C8orf74: variants seen among roughly 807,000 people sequenced by gnomAD.
C8orf74 encodes chromosome 8 open reading frame 74.
In C8orf74, 29 loss-of-function variants were observed where a neutral mutation model predicts 22.2. The observed-to-expected ratio is 1.31, with a 90% confidence interval of 0.97 to 1.78. The LOEUF is 1.78. C8orf74 is among the 40% of genes most tolerant of loss of function. The probability of loss-of-function intolerance (pLI) is 0.00; values close to 1 mark genes in which losing one functional copy is unlikely to be tolerated. For missense variants in C8orf74, 515 were observed against 369.9 expected (o/e 1.39, Z -3.22); for synonymous variants, 255 against 163.1 (o/e 1.56, Z -4.30).
chr8:10,689,422 A>C (rs1208357498), intron 2 of C8orf74: 4 of 152,220 alleles, frequency 2.6e-5, no homozygotes, highest in African/African-American at 7.2e-5. Flanking sequence ...CCTTTTGGTG[A>C]TCTGCTAAGC....
chr8:10,673,708 G>C (rs1798964360), intron 1 of C8orf74: 1 of 153,944 alleles, frequency 6.5e-6, no homozygotes, highest in Non-Finnish European at 1.5e-5. Flanking sequence ...CAAGTCCCAG[G>C]AGGAGGGAGT....
chr8:10,695,932 C>T (rs1324740268), intron 2 of C8orf74, among the ~76,000 whole-genome samples: 1 of 152,024 alleles, frequency 6.6e-6, no homozygotes, highest in African/African-American at 2.4e-5. Context: ...GGCCCAAGCC[C>T]TCATTCTTCA....
chr8:10,693,054 G>C (rs1442926473), intron 2 of C8orf74: 1 of 152,334 alleles, frequency 6.6e-6, no homozygotes, highest in Non-Finnish European at 1.5e-5. Context: ...TGGCGGTCCT[G>C]GGAGTGGGAC....
chr8:10,689,928 G>C (rs555771245), intron 2 of C8orf74, among the ~76,000 whole-genome samples: 1 of 152,266 alleles, frequency 6.6e-6, no homozygotes, highest in South Asian at 2.1e-4. Context: ...GAAAATCTAT[G>C]TGTAAGTGGA....
Position 10,674,784 on chromosome 8 carries a change from G to C in C8orf74, c.187G>C (p.Val63Leu), listed in dbSNP as rs1303533952. The change falls in exon 2 of 4, where the codon GTG becomes CTG. Residue 63 changes from valine (V) to leucine (L), a missense_variant. Physicochemically the swap from Val to Leu is conservative, Grantham distance 32. Transcript: ENST00000304519. The part of the protein sequence containing the change: ...IFAVGKGFPW[V>L]EVAQVVKFTE... ...TGCAGTGGGCAAAGGCTTCCCATGG[G>C]TGGAGGTGGCCCAGGTGGTCAAGTT... 2 of 1,607,016 alleles carry C rather than the reference G, an allele frequency of 1.2e-6. No homozygotes were observed.
intron 2 of C8orf74, among the ~76,000 whole-genome samples, chr8:10,696,805 G>A (rs1161608098): frequency 6.6e-6 from 1 of 151,906 alleles, no homozygotes; most frequent in Non-Finnish European, 1.5e-5. Flanking sequence ...CCTTCCTAAA[G>A]AGTTAGAAGT....
rs59178861 is a variant in C8orf74 at position 10,688,207 on chromosome 8, GA to G, written c.242-9378del. 191 of 91,120 alleles carry G rather than the reference GA, an allele frequency of 2.1e-3. 1 individual carries two copies. The highest frequency in any genetic ancestry group is 6.8e-3 in the Middle Eastern group (1 of 146). 5.6% of individuals were successfully genotyped at this position (91,120 alleles called of 1,614,324 possible). Reference sequence around the variant, plus strand: ...GCAACAGAGCAAGACTCCACCTCCAGAAAAAAAAAAAAAAGAAAAGAAAAAA... The same window carrying G: ...GCAACAGAGCAAGACTCCACCTCCAGAAAAAAAAAAAAAGAAAAGAAAAAA... On this transcript the variant is annotated intron_variant, in intron 2 of 3. Transcript: ENST00000304519.
intron 3 of C8orf74, among the ~76,000 whole-genome samples, chr8:10,698,901 C>CCGCA (rs1554470268): frequency 2.2e-5 from 3 of 137,522 alleles, no homozygotes; most frequent in African/African-American, 8.2e-5. Flanking sequence ...TACACACACA[C>CCGCA]CACACACACA....
intron 2 of C8orf74, among the ~76,000 whole-genome samples, chr8:10,676,710 C>T (rs918859083): frequency 1.3e-5 from 2 of 152,174 alleles, no homozygotes; most frequent in African/African-American, 4.8e-5. Context: ...TCTCATCCCC[C>T]TCCTGCCATC....
At chr8:10,693,494 T>A (rs923311535) in intron 2 of C8orf74, among the ~76,000 whole-genome samples, 3 of 152,206 alleles carry the variant, frequency 2.0e-5, no homozygotes, top group African/African-American at 7.2e-5. Flanking sequence ...GCTGACCTAA[T>A]GAATAAACAC....
chr8:10,694,578 C>G (rs1460515240), intron 2 of C8orf74, among the ~76,000 whole-genome samples: 1 of 152,186 alleles, frequency 6.6e-6, no homozygotes, highest in East Asian at 1.9e-4. Context: ...AGTAAATTGG[C>G]ACTTTGTATA....
intron 2 of C8orf74, among the ~76,000 whole-genome samples, chr8:10,681,816 T>C (rs1272883834): frequency 6.6e-6 from 1 of 152,148 alleles, no homozygotes; most frequent in East Asian, 1.9e-4. Context: ...GACCGGTCAG[T>C]GGAGGCACAG....
intron 3 of C8orf74, among the ~76,000 whole-genome samples, chr8:10,699,319 A>G (rs1799601215): frequency 6.6e-6 from 1 of 152,256 alleles, no homozygotes; most frequent in Non-Finnish European, 1.5e-5. Flanking sequence ...TGGGGCACTC[A>G]AGGGCATAGA....
rs571915465 is a variant in C8orf74, at chr8:10,698,347, G to C, written c.648+342G>C. Among the ~76,000 whole-genome samples, 3 of 152,118 alleles carry C rather than the reference G, an allele frequency of 2.0e-5. No individual in the cohort carries two copies. The South Asian group carries it at 6.2e-4, about 32-fold the overall frequency. On this transcript the variant is annotated intron_variant, in intron 3 of 3. Transcript: ENST00000304519. ...GTCAGTGACAGATTCCACCAAGAGA[G>C]GCAGGAAAAAGACTCCAGCTTTGGA... is the stretch of plus-strand genomic sequence containing the variant.
chr8:10,698,317 C>G (rs1799576703), intron 3 of C8orf74, among the ~76,000 whole-genome samples: 1 of 152,086 alleles, frequency 6.6e-6, no homozygotes, highest in South Asian at 2.1e-4. Context: ...TCCTCTGTGT[C>G]ATTGGTCAGT....
intron 2 of C8orf74, chr8:10,690,831 A>G (rs1447659137): frequency 2.3e-6 from 1 of 441,426 alleles, no homozygotes; most frequent in Non-Finnish European, 4.6e-6. Context: ...TCCCCTCCTC[A>G]TTCCTCTCCT....
At chr8:10,682,734 C>A (rs1031602025) in intron 2 of C8orf74, among the ~76,000 whole-genome samples, 1 of 152,212 alleles carries the variant, frequency 6.6e-6, no homozygotes, top group African/African-American at 2.4e-5. Context: ...TAACACTGAG[C>A]AAGGCCACCA....
chr8:10,681,021 A>T (rs1799137421), intron 2 of C8orf74, among the ~76,000 whole-genome samples: 1 of 151,326 alleles, frequency 6.6e-6, no homozygotes, highest in Non-Finnish European at 1.5e-5. Flanking sequence ...ATCTGGAGCT[A>T]AGGATGGTTG....
intron 2 of C8orf74, 24 bp downstream of exon 2, chr8:10,674,862 T>A (rs1798999710): frequency 3.8e-6 from 6 of 1,564,284 alleles, no homozygotes; most frequent in Non-Finnish European, 5.2e-6. Flanking sequence ...AGGGCAGGAG[T>A]CAGCAGAGGC....
Sources: gnomAD v4.1 joint callset for allele counts (sites outside exome capture counted in the v4.1 genomes callset) on GRCh38, gnomAD v4.1.1 for gene constraint, MANE v1.5 for transcripts, NCBI Gene and HGNC (gene_info 2026-07-23, HGNC 2026-07-21) for gene names.